Variants in HOPX observed in about 807,000 individuals in gnomAD.
The protein encoded by HOPX is homeodomain-only protein.
HOPX carries 5 observed loss-of-function variants against 11.8 expected under a neutral mutation model. That is an observed-to-expected ratio of 0.43 (90% CI 0.22 to 0.89). The LOEUF is 0.89. Among genes scored for constraint, HOPX ranks in the 40% least tolerant of loss-of-function variants. The pLI is 0.28. For missense variants in HOPX, 119 were observed against 120.0 expected (o/e 0.99, Z 0.04); for synonymous variants, 49 against 49.7 (o/e 0.99, Z 0.06).
intron 3 of HOPX, 107 bp downstream of exon 3, chr4:56,655,750 T>C: frequency 1.6e-6 from 2 of 1,284,272 alleles, no homozygotes; most frequent in South Asian, 1.3e-5. Flanking sequence ...TGGGAGATCA[T>C]GGGGAGGGCA....
chr4:56,674,807 T>G (rs1718917441), intron 1 of HOPX, among the ~76,000 whole-genome samples: 1 of 150,954 alleles, frequency 6.6e-6, no homozygotes, highest in Non-Finnish European at 1.5e-5. Flanking sequence ...TACAGTGGCA[T>G]CGTGATCATA....
intron 1 of HOPX, among the ~76,000 whole-genome samples, chr4:56,670,363 G>T (rs1718669785): frequency 6.6e-6 from 1 of 152,088 alleles, no homozygotes; most frequent in Admixed American, 6.5e-5. Context: ...TCTGATATGG[G>T]AAAATGTCTC....
At chr4:56,656,551 TC>T in intron 2 of HOPX, 1 of 874,338 alleles carries the variant, frequency 1.1e-6, no homozygotes, top group Non-Finnish European at 1.4e-6. Flanking sequence ...TGGGGCCCTC[TC>T]CAGGCAGGGC....
At position 56,655,858 on chromosome 4, in the gene HOPX, TG is replaced by T. The variant is rs760976465; in HGVS notation, c.196del (p.Gln66ArgfsTer38). 3 of 1,610,428 alleles carry T rather than the reference TG, an allele frequency of 1.9e-6. No individual in the cohort carries two copies. The highest frequency in any genetic ancestry group is 1.3e-5 in the African/African-American group (1 of 74,670). ...CGCTGGGCGCGTGTGGGGACGCACCTGGGTCTCCTCCTCGGAAAGGCCTGCC... is the reference window on the plus strand; with the variant it reads ...CGCTGGGCGCGTGTGGGGACGCACCTGGTCTCCTCCTCGGAAAGGCCTGCC... ...AEAGLSEEET[Q>X]KWFKQRLAKW... On this transcript the variant is annotated frameshift_variant and splice_region_variant, in exon 3 of 4. Transcript: ENST00000420433. LOFTEE classifies it high-confidence loss of function.
chr4:56,656,044 C>A (rs1717683872), intron 2 of HOPX, 32 bp from the exon 3 acceptor site: 3 of 1,527,198 alleles, frequency 2.0e-6, no homozygotes, highest in Admixed American at 2.0e-5. Context: ...CGGCGGTGAG[C>A]GAGGCGTGGA....
At position 56,649,983 on chromosome 4, in the gene HOPX, A is replaced by G. The variant is rs558045572; in HGVS notation, c.199-1186T>C. 3 of 152,460 alleles carry G rather than the reference A, an allele frequency of 2.0e-5. No homozygotes were observed. In the East Asian group the frequency reaches 5.8e-4, roughly 29 times the overall value. The allele number at this position is 152,460 out of a possible 1,614,324, so 9.4% of individuals were successfully genotyped here. A position where few individuals can be genotyped will look rare whatever the true frequency, so the allele number is the denominator to read the frequency against. On this transcript the variant is annotated intron_variant, in intron 3 of 3. Transcript: ENST00000420433. ...TCTATGGGAAGTCAGCACCTCCCCC[A>G]AGCTCTGTTCTCCTGTGCTTCCCAA...
intron 1 of HOPX, among the ~76,000 whole-genome samples, chr4:56,662,050 A>G (rs944737126): frequency 6.6e-6 from 1 of 152,238 alleles, no homozygotes; most frequent in Non-Finnish European, 1.5e-5. Flanking sequence ...CTCCAAATGA[A>G]AACCACAGAG....
At chr4:56,655,661 G>A (rs4515223) in intron 3 of HOPX, among the ~76,000 whole-genome samples, 196 bp downstream of exon 3, 74,692 of 151,852 alleles carry the variant, frequency 0.49, 19,246 homozygotes, top group African/African-American at 0.64. Flanking sequence ...GAGACCGGGC[G>A]CCCATGGGAG....
chr4:56,652,244 G>C (rs1717260850), intron 3 of HOPX, among the ~76,000 whole-genome samples: 1 of 152,190 alleles, frequency 6.6e-6, no homozygotes, highest in African/African-American at 2.4e-5. Flanking sequence ...TCCCAAGACA[G>C]AGAATGTTTC....
intron 3 of HOPX, among the ~76,000 whole-genome samples, chr4:56,654,908 T>G (rs1375341677): frequency 6.6e-6 from 1 of 152,144 alleles, no homozygotes; most frequent in Admixed American, 6.5e-5. Context: ...AGATGCTAGA[T>G]CAGTTCCAAG....
At chr4:56,669,531 G>A (rs949209189) in intron 1 of HOPX, among the ~76,000 whole-genome samples, 2 of 151,834 alleles carry the variant, frequency 1.3e-5, no homozygotes, top group Non-Finnish European at 1.5e-5. Flanking sequence ...AGGTGGTGGG[G>A]GCCTGTAGTC....
At chr4:56,674,227 T>G (rs1718887104) in intron 1 of HOPX, among the ~76,000 whole-genome samples, 1 of 151,658 alleles carries the variant, frequency 6.6e-6, no homozygotes, top group African/African-American at 2.4e-5. Context: ...TACAATAAAG[T>G]GATAGATACT....
intron 1 of HOPX, among the ~76,000 whole-genome samples, chr4:56,667,842 A>G (rs1240857466): frequency 6.6e-6 from 1 of 152,198 alleles, no homozygotes. Context: ...CCTAAGTGAG[A>G]AATTTAACAT....
intron 3 of HOPX, chr4:56,650,779 G>T: frequency 6.4e-7 from 1 of 1,550,644 alleles, no homozygotes. Flanking sequence ...CTTTCTGGGT[G>T]CCATATTTTG....
chr4:56,665,905 T>C (rs902637795), intron 1 of HOPX, among the ~76,000 whole-genome samples: 4 of 152,164 alleles, frequency 2.6e-5, no homozygotes, highest in Non-Finnish European at 4.4e-5. Flanking sequence ...ACACCATCTT[T>C]CCTCTTTGCA....
chr4:56,678,291 C>T (rs951951826), intron 1 of HOPX, among the ~76,000 whole-genome samples: 10 of 151,442 alleles, frequency 6.6e-5, no homozygotes, highest in African/African-American at 2.2e-4. Context: ...CCTTACTGTC[C>T]TTATCTGTCA....
intron 3 of HOPX, among the ~76,000 whole-genome samples, chr4:56,653,659 G>A (rs1178200569): frequency 6.6e-6 from 1 of 152,180 alleles, no homozygotes; most frequent in Non-Finnish European, 1.5e-5. Flanking sequence ...GTAGCCATAG[G>A]GAGGAAGAAG....
At position 56,648,648 on chromosome 4, in the gene HOPX, C is replaced by T; in HGVS notation, c.*72G>A. On this transcript the variant is annotated 3_prime_UTR_variant, in exon 4 of 4. Coordinates refer to ENST00000420433, the MANE Select transcript of HOPX (RefSeq NM_032495.6). ...ACAACACTATGCTGAAAAACCACAACAGCTTGGTTAAGCGGAGGAGAGAAA... is the reference window on the plus strand; with the variant it reads ...ACAACACTATGCTGAAAAACCACAATAGCTTGGTTAAGCGGAGGAGAGAAA... The T allele has an allele frequency of 1.8e-6, 2 of 1,141,416 alleles. No individual in the cohort carries two copies. Among genetic ancestry groups the T allele is most frequent in the African/African-American group, 1.5e-5 (1 of 65,438 alleles). 70.7% of individuals were successfully genotyped at this position (1,141,416 alleles called of 1,614,324 possible).
intron 1 of HOPX, among the ~76,000 whole-genome samples, chr4:56,658,222 C>T (rs1466293355): frequency 6.6e-6 from 1 of 152,192 alleles, no homozygotes; most frequent in Non-Finnish European, 1.5e-5. Context: ...TCTGCTTATA[C>T]TTTCCCCTCT....
Sources: allele counts gnomAD v4.1 joint callset (sites outside exome capture counted in the v4.1 genomes callset), GRCh38; gene constraint gnomAD v4.1.1; transcripts MANE v1.5; gene names NCBI Gene and HGNC (gene_info 2026-07-23, HGNC 2026-07-21).